SH3PXD2B: variants seen among roughly 807,000 people sequenced by gnomAD.
The protein encoded by SH3PXD2B is SH3 and PX domains 2B.
Under a neutral mutation model 73.1 loss-of-function variants are expected in SH3PXD2B, and 37 were observed. The observed-to-expected ratio is 0.51, with a 90% CI of 0.39 to 0.67. The LOEUF is 0.67. Ranked by LOEUF, SH3PXD2B falls within the 30% of genes least tolerant of loss-of-function variation. The pLI, the probability that SH3PXD2B is intolerant of heterozygous loss-of-function variation, is 0.00. For missense variants in SH3PXD2B, 1,053 were observed against 1,197.8 expected, an observed-to-expected ratio of 0.88 and a Z score of 1.78; for synonymous variants, 457 against 480.5, an observed-to-expected ratio of 0.95 and a Z score of 0.64.
At chr5:172,384,527 C>A (rs189558082) in intron 4 of SH3PXD2B, among the ~76,000 whole-genome samples, 222 of 152,286 alleles carry the variant, frequency 1.5e-3, no homozygotes, top group African/African-American at 5.2e-3. Context: ...CCCTTCCACC[C>A]TCCCCCAGCA....
chr5:172,390,695 C>G (rs147359902), intron 4 of SH3PXD2B, among the ~76,000 whole-genome samples: 124 of 152,320 alleles, frequency 8.1e-4, no homozygotes, highest in African/African-American at 2.8e-3. Context: ...CATTTGCAGC[C>G]AAGTCTTTGT....
At chr5:172,390,552 A>G (rs1033801526) in intron 4 of SH3PXD2B, among the ~76,000 whole-genome samples, 2 of 152,118 alleles carry the variant, frequency 1.3e-5, no homozygotes, top group Non-Finnish European at 2.9e-5. Context: ...GCACGCTCCC[A>G]GTGCCTTTTA....
chr5:172,395,731 G>T (rs1357445794), intron 3 of SH3PXD2B, among the ~76,000 whole-genome samples: 3 of 152,030 alleles, frequency 2.0e-5, no homozygotes, highest in Non-Finnish European at 4.4e-5. Flanking sequence ...GTCAGGGGTG[G>T]GGGAAATCAG....
downstream of SH3PXD2B, among the ~76,000 whole-genome samples, chr5:172,331,360 A>G (rs1756551409): frequency 6.6e-6 from 1 of 152,106 alleles, no homozygotes. Flanking sequence ...ATTCCTGCTG[A>G]GTTTGACTTT....
rs549172476 is a variant in SH3PXD2B, at chr5:172,337,468, G to A, written c.*901C>T. 30 of 984,222 alleles carry A rather than the reference G, an allele frequency of 3.0e-5. No individual in the cohort carries two copies. The South Asian group carries it at 5.2e-4, about 17-fold the overall frequency. The allele number at this position is 984,222 out of a possible 1,614,324, so 61.0% of individuals were successfully genotyped here. ...GAGGGTCAAAGCATGAATGCAAAGCGCCAAGTACAGTGTTTGGCACCCACG... is the reference window on the plus strand; with the variant it reads ...GAGGGTCAAAGCATGAATGCAAAGCACCAAGTACAGTGTTTGGCACCCACG... On this transcript the variant is annotated 3_prime_UTR_variant, in exon 13 of 13. Coordinates refer to ENST00000311601, the MANE Select transcript of SH3PXD2B (RefSeq NM_001017995.3).
chr5:172,396,689 G>A (rs757085432), intron 3 of SH3PXD2B, among the ~76,000 whole-genome samples: 36 of 146,980 alleles, frequency 2.4e-4, no homozygotes, highest in Non-Finnish European at 3.6e-4. Flanking sequence ...GCTCACGCCT[G>A]TAATCCCCAC....
At chr5:172,359,029 C>A in intron 7 of SH3PXD2B, 152 bp from the exon 8 acceptor site, 1 of 772,174 alleles carries the variant, frequency 1.3e-6, no homozygotes, top group Non-Finnish European at 2.2e-6. Flanking sequence ...ACCAATGTTA[C>A]CTGCTAACTG....
At chr5:172,358,674 G>C in intron 8 of SH3PXD2B, 99 bp downstream of exon 8, 1 of 1,094,078 alleles carries the variant, frequency 9.1e-7, no homozygotes, top group Non-Finnish European at 1.4e-6. Flanking sequence ...AGACGCAGAG[G>C]CAGAGGCCAA....
At chr5:172,415,926 G>A (rs1052297806) in intron 2 of SH3PXD2B, among the ~76,000 whole-genome samples, 2 of 152,214 alleles carry the variant, frequency 1.3e-5, no homozygotes, top group Non-Finnish European at 2.9e-5. Flanking sequence ...GCACCCTCAG[G>A]TGAATGAGAC....
chr5:172,367,566 C>G (rs1379820927), intron 6 of SH3PXD2B, among the ~76,000 whole-genome samples: 1 of 152,126 alleles, frequency 6.6e-6, no homozygotes, highest in East Asian at 1.9e-4. Context: ...TTCACTCTCC[C>G]CAATGTGGCG....
chr5:172,332,290 G>A (rs1581253870), downstream of SH3PXD2B, among the ~76,000 whole-genome samples: 1 of 137,760 alleles, frequency 7.3e-6, no homozygotes. Flanking sequence ...GTCTTGCTCT[G>A]TCATCCAGGC....
At chr5:172,340,711 T>TA (rs1397787779) in intron 12 of SH3PXD2B, among the ~76,000 whole-genome samples, 1 of 152,136 alleles carries the variant, frequency 6.6e-6, no homozygotes, top group Non-Finnish European at 1.5e-5. Context: ...TCTCATGCCT[T>TA]AGTCTCCCAA....
chr5:172,372,126 G>A (rs1379074793), intron 6 of SH3PXD2B, among the ~76,000 whole-genome samples: 1 of 152,142 alleles, frequency 6.6e-6, no homozygotes, highest in African/African-American at 2.4e-5. Flanking sequence ...TTTTGAATTT[G>A]GAATTTCTAC....
In SH3PXD2B at chr5:172,395,100, C is replaced by T. The variant is rs184449963; in HGVS notation, c.233-461G>A. ...CTTTTCCTCATGTTCCCTAAACCCCCGTGCTCTACCATTCTGAGCCCTCCC... is the reference window on the plus strand; with the variant it reads ...CTTTTCCTCATGTTCCCTAAACCCCTGTGCTCTACCATTCTGAGCCCTCCC... On this transcript the variant is annotated intron_variant, in intron 3 of 12. Coordinates refer to ENST00000311601, the MANE Select transcript of SH3PXD2B (RefSeq NM_001017995.3). Among the ~76,000 whole-genome samples, 657 of 152,254 alleles carry T rather than the reference C, an allele frequency of 4.3e-3. 2 individuals carry two copies. Among genetic ancestry groups the T allele is most frequent in the Non-Finnish European group, 7.5e-3 (512 of 68,020 alleles).
chr5:172,347,192 C>T, intron 11 of SH3PXD2B, 91 bp downstream of exon 11: 1 of 1,303,956 alleles, frequency 7.7e-7, no homozygotes, highest in Non-Finnish European at 1.1e-6. Context: ...GAGAGCATTT[C>T]TGGAAGGGCG....
At chr5:172,392,540 AG>A (rs1283983761) in intron 4 of SH3PXD2B, among the ~76,000 whole-genome samples, 1 of 151,764 alleles carries the variant, frequency 6.6e-6, no homozygotes, top group Non-Finnish European at 1.5e-5. Flanking sequence ...GGGAGGCCGA[AG>A]TGGGTGGATC....
intron 1 of SH3PXD2B, among the ~76,000 whole-genome samples, chr5:172,429,505 T>C (rs925119568): frequency 2.0e-5 from 3 of 152,146 alleles, no homozygotes; most frequent in African/African-American, 7.2e-5. Context: ...GCCTGTGTGA[T>C]CTAACCAAGT....
At chr5:172,450,231 A>C (rs1007186940) in intron 1 of SH3PXD2B, among the ~76,000 whole-genome samples, 13 of 149,596 alleles carry the variant, frequency 8.7e-5, no homozygotes, top group African/African-American at 3.3e-4. Flanking sequence ...GAAAGCTGTT[A>C]AAAAAAATCC....
At chr5:172,434,783 T>C (rs1015664539) in intron 1 of SH3PXD2B, among the ~76,000 whole-genome samples, 2 of 44,380 alleles carry the variant, frequency 4.5e-5, no homozygotes, top group Non-Finnish European at 9.7e-5. Flanking sequence ...TGGCCAATGG[T>C]TTTTTTTTTT....
Sources: allele counts gnomAD v4.1 joint callset (sites outside exome capture counted in the v4.1 genomes callset), GRCh38; gene constraint gnomAD v4.1.1; transcripts MANE v1.5; gene names NCBI Gene and HGNC (gene_info 2026-07-23, HGNC 2026-07-21).